Variants in AGXT2 observed in about 807,000 individuals in gnomAD.
The protein encoded by AGXT2 is alanine--glyoxylate aminotransferase 2, also known as alanine--glyoxylate aminotransferase 2, mitochondrial.
In AGXT2, 61 loss-of-function variants were observed where a neutral mutation model predicts 62.5. The observed-to-expected ratio is 0.98, with a 90% CI of 0.79 to 1.21. The LOEUF is 1.21. Ranked by LOEUF, AGXT2 falls within the 50% of genes most tolerant of loss-of-function variation. AGXT2 has a pLI of 0.00. For synonymous variants in AGXT2, 243 were observed against 218.7 expected (o/e 1.11, Z -0.98); for missense variants, 666 against 641.5 (o/e 1.04, Z -0.41).
In AGXT2 at chr5:35,003,827, T is replaced by C; in HGVS notation, c.1373A>G (p.Asn458Ser). The C allele has an allele frequency of 6.2e-7, 1 of 1,614,196 alleles. No individual in the cohort carries two copies. The highest frequency in any genetic ancestry group is 8.5e-7 in the Non-Finnish European group (1 of 1,180,032). ...GTGCTTGCAGTCCTCATGGATCTGATTTACTTCTTCACGGGGAAGAGGCCG... is the reference window on the plus strand; with the variant it reads ...GTGCTTGCAGTCCTCATGGATCTGACTTACTTCTTCACGGGGAAGAGGCCG... ...SCRPLPREEV[N>S]QIHEDCKHMG... Residue 458 changes from asparagine to serine, a missense_variant, in exon 13 of 14, where the codon AAT becomes AGT. Coordinates refer to ENST00000231420, the MANE Select transcript of AGXT2 (RefSeq NM_031900.4).
chr5:35,041,129 A>G (rs948613222), intron 1 of AGXT2, among the ~76,000 whole-genome samples: 36 of 145,510 alleles, frequency 2.5e-4, no homozygotes, highest in Non-Finnish European at 5.2e-4. Flanking sequence ...ACTGTTGACT[A>G]TTCTTGTAGG....
At chr5:35,026,787 G>T (rs1767370618) in intron 7 of AGXT2, 2 of 952,650 alleles carry the variant, frequency 2.1e-6, no homozygotes, top group South Asian at 9.7e-5. Flanking sequence ...GGGAAGAAAC[G>T]TCCCAAAGTG....
chr5:35,036,868 T>C, intron 4 of AGXT2, 74 bp downstream of exon 4: 1 of 1,604,352 alleles, frequency 6.2e-7, no homozygotes, highest in Non-Finnish European at 8.5e-7. Context: ...AAGACTCCTG[T>C]CTCTTTGAGC....
At chr5:35,027,653 A>G (rs888267292) in intron 7 of AGXT2, among the ~76,000 whole-genome samples, 8 of 151,324 alleles carry the variant, frequency 5.3e-5, no homozygotes, top group African/African-American at 1.9e-4. Flanking sequence ...TTGTATATTT[A>G]TTTTTGACAA....
At chr5:35,034,601 C>G (rs1044129721) in intron 5 of AGXT2, among the ~76,000 whole-genome samples, 1 of 152,054 alleles carries the variant, frequency 6.6e-6, no homozygotes, top group African/African-American at 2.4e-5. Flanking sequence ...TACAATTACC[C>G]AAGGGAGGCA....
chr5:35,025,688 A>G (rs1015181244), intron 9 of AGXT2, 75 bp downstream of exon 9: 18 of 1,465,858 alleles, frequency 1.2e-5, no homozygotes, highest in East Asian at 9.1e-5. Context: ...TGGAACACAG[A>G]GGAAGTTTAG....
chr5:35,025,895 T>C (rs780531426), intron 8 of AGXT2, 40 bp from the exon 9 acceptor site: 18 of 1,552,484 alleles, frequency 1.2e-5, no homozygotes, highest in Non-Finnish European at 1.5e-5. Context: ...AATAATAGCA[T>C]CAGCCCTTTC....
At chr5:35,042,236 G>A (rs940093569) in intron 1 of AGXT2, among the ~76,000 whole-genome samples, 1 of 152,278 alleles carries the variant, frequency 6.6e-6, no homozygotes, top group Non-Finnish European at 1.5e-5. Flanking sequence ...ATTTTAAACA[G>A]TCAAGGCAGT....
intron 2 of AGXT2, 48 bp from the exon 3 acceptor site, chr5:35,039,556 AGC>A (rs756898937): frequency 6.3e-7 from 1 of 1,586,738 alleles, no homozygotes; most frequent in African/African-American, 1.3e-5. Context: ...CAAGATCAAT[AGC>A]AGTCAATCTA....
intron 9 of AGXT2, among the ~76,000 whole-genome samples, chr5:35,020,594 A>G (rs1335877954): frequency 6.6e-6 from 1 of 152,240 alleles, no homozygotes; most frequent in Non-Finnish European, 1.5e-5. Context: ...AGAGGTATCT[A>G]TGACAAACCC....
chr5:35,016,911 C>G (rs1766866351), intron 9 of AGXT2, among the ~76,000 whole-genome samples: 1 of 152,294 alleles, frequency 6.6e-6, no homozygotes, highest in South Asian at 2.1e-4. Context: ...CAGAAGCAGG[C>G]TGGGTCACAA....
At chr5:35,013,844 T>A in intron 10 of AGXT2, 143 bp downstream of exon 10, 1 of 1,279,180 alleles carries the variant, frequency 7.8e-7, no homozygotes, top group Non-Finnish European at 1.1e-6. Flanking sequence ...GCAGACAGAC[T>A]GTTTCTCTCT....
chr5:35,040,023 G>T (rs1345466617), intron 2 of AGXT2, among the ~76,000 whole-genome samples: 1 of 152,058 alleles, frequency 6.6e-6, no homozygotes, highest in Non-Finnish European at 1.5e-5. Flanking sequence ...TCGAATAAAG[G>T]AGTTGCCGTG....
intron 9 of AGXT2, among the ~76,000 whole-genome samples, chr5:35,021,095 T>C (rs936088183): frequency 7.2e-5 from 11 of 152,062 alleles, no homozygotes; most frequent in African/African-American, 2.2e-4. Flanking sequence ...AATGGAAGAA[T>C]ATTCCATGCT....
At chr5:34,999,122 A>G (rs1580562441) in intron 13 of AGXT2, among the ~76,000 whole-genome samples, 1 of 152,306 alleles carries the variant, frequency 6.6e-6, no homozygotes, top group East Asian at 1.9e-4. Context: ...ATTTCTGCCC[A>G]GGGTGACTTC....
chr5:35,042,875 G>A (rs1288561494), intron 1 of AGXT2, among the ~76,000 whole-genome samples: 1 of 151,936 alleles, frequency 6.6e-6, no homozygotes, highest in African/African-American at 2.4e-5. Flanking sequence ...TTGTCTTATT[G>A]TTTTAACTAA....
chr5:35,030,126 G>A (rs1466420804), intron 7 of AGXT2, among the ~76,000 whole-genome samples: 2 of 152,212 alleles, frequency 1.3e-5, no homozygotes, highest in African/African-American at 2.4e-5. Context: ...AGGTCCTAAA[G>A]GCAGTGAAGG....
At chr5:35,033,965 A>G (rs1767676305) in intron 5 of AGXT2, among the ~76,000 whole-genome samples, 1 of 152,182 alleles carries the variant, frequency 6.6e-6, no homozygotes, top group African/African-American at 2.4e-5. Flanking sequence ...TTAGGGACTT[A>G]CACACCTTAT....
chr5:35,008,205 A>G (rs1221902212), intron 12 of AGXT2, among the ~76,000 whole-genome samples: 1 of 152,214 alleles, frequency 6.6e-6, no homozygotes, highest in Non-Finnish European at 1.5e-5. Flanking sequence ...TATGGCTTGC[A>G]CATATTTCCA....
Sources: allele counts gnomAD v4.1 joint callset (sites outside exome capture counted in the v4.1 genomes callset), GRCh38; gene constraint gnomAD v4.1.1; transcripts MANE v1.5; gene names NCBI Gene and HGNC (gene_info 2026-07-23, HGNC 2026-07-21).